SYN2: variants seen among roughly 807,000 people sequenced by gnomAD.
SYN2 encodes the protein synapsin II.
SYN2 carries 19 observed loss-of-function variants against 50.9 expected under a neutral mutation model. The observed-to-expected ratio is 0.37, with a 90% CI of 0.26 to 0.55. The LOEUF is 0.55. Ranked by LOEUF, SYN2 falls within the 20% of genes least tolerant of loss-of-function variation. SYN2 has a pLI of 0.81. For missense variants in SYN2, 587 were observed against 576.4 expected (o/e 1.02, Z -0.19); for synonymous variants, 255 against 224.9 (o/e 1.13, Z -1.20).
intron 1 of SYN2, among the ~76,000 whole-genome samples, chr3:12,084,506 G>A (rs964756271): frequency 1.3e-5 from 2 of 151,942 alleles, no homozygotes; most frequent in African/African-American, 4.8e-5. Flanking sequence ...CACTAGACTT[G>A]GCTTATACAA....
At chr3:12,139,202 G>A (rs538122413) in intron 1 of SYN2, among the ~76,000 whole-genome samples, 5 of 152,266 alleles carry the variant, frequency 3.3e-5, no homozygotes, top group East Asian at 1.9e-4. Context: ...TTCCTAGAAC[G>A]GGGTGTTCCA....
chr3:12,105,030 A>C (rs1696156291), intron 1 of SYN2, among the ~76,000 whole-genome samples: 1 of 151,720 alleles, frequency 6.6e-6, no homozygotes, highest in African/African-American at 2.4e-5. Flanking sequence ...CTGAAGCCTT[A>C]ATCATCCCTT....
intron 1 of SYN2, among the ~76,000 whole-genome samples, chr3:12,119,677 T>G (rs1696509530): frequency 6.6e-6 from 1 of 152,226 alleles, no homozygotes; most frequent in African/African-American, 2.4e-5. Context: ...ACCCTTTCTT[T>G]TAGTCACCTT....
intron 7 of SYN2, among the ~76,000 whole-genome samples, chr3:12,164,585 C>T (rs1038512272): frequency 7.0e-4 from 106 of 152,232 alleles, no homozygotes; most frequent in African/African-American, 2.4e-3. Flanking sequence ...CAGAGACAGC[C>T]ACTTTGGTGT....
chr3:12,110,588 A>C (rs1459249600), intron 1 of SYN2, among the ~76,000 whole-genome samples: 1 of 152,182 alleles, frequency 6.6e-6, no homozygotes, highest in Non-Finnish European at 1.5e-5. Flanking sequence ...CTGGACATCT[A>C]GGCATTTCTA....
intron 5 of SYN2, chr3:12,157,233 T>C: frequency 1.4e-6 from 1 of 728,412 alleles, no homozygotes; most frequent in Non-Finnish European, 2.3e-6. Context: ...TTCTATGGGC[T>C]CTGCCTCCAA....
intron 1 of SYN2, among the ~76,000 whole-genome samples, chr3:12,025,118 A>G (rs1694227783): frequency 1.3e-5 from 2 of 152,076 alleles, no homozygotes. Flanking sequence ...TGGTGAAGGG[A>G]GAGAGCCTTG....
chr3:12,085,762 T>G (rs963169909), intron 1 of SYN2, among the ~76,000 whole-genome samples: 2 of 152,072 alleles, frequency 1.3e-5, no homozygotes, highest in Non-Finnish European at 2.9e-5. Context: ...AAAGCAGTCC[T>G]GAGAGGGGAA....
intron 5 of SYN2, among the ~76,000 whole-genome samples, chr3:12,154,732 T>C (rs1326061118): frequency 6.6e-6 from 1 of 152,266 alleles, no homozygotes; most frequent in African/African-American, 2.4e-5. Flanking sequence ...AGTCAAAGTC[T>C]GTGTGGGATC....
chr3:12,083,364 T>G lies in SYN2; in HGVS notation c.378-57287T>G, dbSNP rs146521924. On this transcript the variant is annotated intron_variant, in intron 1 of 12. Coordinates refer to ENST00000621198, the MANE Select transcript of SYN2 (RefSeq NM_133625.6). The stretch of plus-strand genomic sequence containing the variant: ...ACAGCTCTATTTTTTACCTAGGATG[T>G]CTGTGAATAATAGTTCTGTCTCTCT... Among the ~76,000 whole-genome samples, 384 of 152,308 alleles carry G rather than the reference T, an allele frequency of 2.5e-3. 1 individual carries two copies. Among genetic ancestry groups the G allele is most frequent in the African/African-American group, 8.7e-3 (362 of 41,554 alleles).
At chr3:12,091,908 ATCT>A (rs1419080954) in intron 1 of SYN2, among the ~76,000 whole-genome samples, 15 of 152,308 alleles carry the variant, frequency 9.8e-5, no homozygotes, top group African/African-American at 3.4e-4. Flanking sequence ...TGAATGTTAA[ATCT>A]TCTAATAACT....
intron 5 of SYN2, among the ~76,000 whole-genome samples, chr3:12,157,888 T>C (rs1697505024): frequency 6.6e-6 from 1 of 152,180 alleles, no homozygotes; most frequent in African/African-American, 2.4e-5. Context: ...CAGTTGATAT[T>C]AGTAAATGTT....
intron 1 of SYN2, among the ~76,000 whole-genome samples, chr3:12,108,062 T>C (rs1258421833): frequency 1.3e-5 from 2 of 152,048 alleles, no homozygotes; most frequent in East Asian, 3.9e-4. Flanking sequence ...AATAAAACAT[T>C]AGCTGGGCAT....
intron 1 of SYN2, among the ~76,000 whole-genome samples, chr3:12,133,623 T>C (rs183492971): frequency 1.3e-5 from 2 of 152,332 alleles, no homozygotes; most frequent in East Asian, 3.9e-4. Context: ...GCCAGTAAAA[T>C]AGAAAATTCT....
chr3:12,156,034 CT>C (rs1387193689), intron 5 of SYN2, among the ~76,000 whole-genome samples: 1 of 152,210 alleles, frequency 6.6e-6, no homozygotes, highest in African/African-American at 2.4e-5. Context: ...ACAGTGAACT[CT>C]TTTAAGGACT....
intron 10 of SYN2, among the ~76,000 whole-genome samples, chr3:12,170,722 G>GA (rs1697918775): frequency 6.6e-6 from 1 of 152,188 alleles, no homozygotes; most frequent in South Asian, 2.1e-4. Flanking sequence ...TAAGTTTGCA[G>GA]GGAAATGACT....
intron 1 of SYN2, among the ~76,000 whole-genome samples, chr3:12,113,314 T>C (rs1696364660): frequency 6.6e-6 from 1 of 152,168 alleles, no homozygotes; most frequent in Non-Finnish European, 1.5e-5. Flanking sequence ...TAATATGTTA[T>C]ATATGATTTA....
chr3:12,160,162 A>C lies in SYN2; in HGVS notation c.775-1384A>C, dbSNP rs548937513. On this transcript the variant is annotated intron_variant, in intron 5 of 12. Coordinates refer to ENST00000621198, the MANE Select transcript of SYN2 (RefSeq NM_133625.6). ...ACAGTGTTGCAAGCCTCCAAATCCC[A>C]AATCTCCATGGGATTATTGCTGTGG... 5.5e-4 allele frequency among the ~76,000 whole-genome samples: 84 copies of C among 152,042 alleles called. 1 individual carries two copies. Among genetic ancestry groups the C allele is most frequent in the Non-Finnish European group, 1.2e-3 (79 of 67,994 alleles).
intron 1 of SYN2, among the ~76,000 whole-genome samples, chr3:12,121,593 A>T (rs1696558608): frequency 6.6e-6 from 1 of 151,628 alleles, no homozygotes; most frequent in African/African-American, 2.4e-5. Flanking sequence ...AATAAGAGGG[A>T]AAGAAAGAAA....
Sources: allele counts gnomAD v4.1 joint callset (sites outside exome capture counted in the v4.1 genomes callset), GRCh38; gene constraint gnomAD v4.1.1; transcripts MANE v1.5; gene names NCBI Gene and HGNC (gene_info 2026-07-23, HGNC 2026-07-21).